The following KALRN variants were observed in gnomAD, a reference collection of about 807,000 sequenced individuals.
KALRN encodes the protein kalirin.
KALRN carries 70 observed loss-of-function variants against 353.7 expected under a neutral mutation model. That is an observed-to-expected ratio of 0.20 (90% CI 0.16 to 0.24). KALRN has a LOEUF of 0.24. Ranked by LOEUF, KALRN falls within the 10% of genes least tolerant of loss-of-function variation. KALRN has a pLI of 1.00. For synonymous variants in KALRN, 1,391 were observed against 1,434.8 expected (o/e 0.97, Z 0.69); for missense variants, 2,791 against 3,756.7 (o/e 0.74, Z 6.72).
intron 34 of KALRN, among the ~76,000 whole-genome samples, chr3:124,602,879 G>A (rs780251048): frequency 3.3e-5 from 5 of 152,130 alleles, no homozygotes; most frequent in Non-Finnish European, 5.9e-5. Context: ...CTTAGTTTGT[G>A]TGTTCAGTCC....
At chr3:124,491,295 G>T (rs771863395) in intron 30 of KALRN, 28 bp from the exon 31 acceptor site, 1 of 1,038,796 alleles carries the variant, frequency 9.6e-7, no homozygotes, top group South Asian at 1.5e-5. Context: ...CCCCTTCCCC[G>T]CCTCTCATAG....
intron 13 of KALRN, among the ~76,000 whole-genome samples, chr3:124,399,647 C>T (rs1295502823): frequency 6.6e-6 from 1 of 152,158 alleles, no homozygotes; most frequent in Non-Finnish European, 1.5e-5. Flanking sequence ...AGCCAAGCGC[C>T]ACAGGAAGGG....
intron 6 of KALRN, among the ~76,000 whole-genome samples, chr3:124,325,387 C>A (rs1182682951): frequency 6.6e-6 from 1 of 152,076 alleles, no homozygotes; most frequent in Non-Finnish European, 1.5e-5. Flanking sequence ...TTTATTTAAA[C>A]CCTGTTTGAT....
intron 34 of KALRN, among the ~76,000 whole-genome samples, chr3:124,625,784 CA>C (rs1221225433): frequency 6.6e-6 from 1 of 151,968 alleles, no homozygotes; most frequent in Non-Finnish European, 1.5e-5. Flanking sequence ...GAATATTATT[CA>C]ACAATTAACA....
chr3:124,311,064 C>CTTTTTTTT (rs71145446), intron 6 of KALRN, among the ~76,000 whole-genome samples: 1,476 of 67,494 alleles, frequency 0.022, 322 homozygotes, highest in Middle Eastern at 0.048. Flanking sequence ...GATACTACTT[C>CTTTTTTTT]TTTTTTTTTT....
At chr3:124,415,583 A>C (rs2092450815) in intron 14 of KALRN, among the ~76,000 whole-genome samples, 1 of 152,256 alleles carries the variant, frequency 6.6e-6, no homozygotes, top group Admixed American at 6.5e-5. Flanking sequence ...CCTGTACACA[A>C]GAGTACGTGG....
rs889996775 is a variant in KALRN, at chr3:124,438,758, T to C, written c.3049-130T>C. ...ACTGTCACTGCCTCCTGGATTTCTCTTAGATGTCTCAGAGGCATTAAACTT... is the reference window on the plus strand; with the variant it reads ...ACTGTCACTGCCTCCTGGATTTCTCCTAGATGTCTCAGAGGCATTAAACTT... On this transcript the variant is annotated intron_variant, in intron 17 of 59. Coordinates refer to ENST00000682506, the MANE Select transcript of KALRN (RefSeq NM_001388419.1). 1.0e-5 allele frequency: 7 copies of C among 700,864 alleles called. No homozygotes were observed. The Admixed American group carries it at 2.2e-4, about 22-fold the overall frequency. The allele number at this position is 700,864 out of a possible 1,614,324, so 43.4% of individuals were successfully genotyped here.
At chr3:124,697,540 A>G in intron 54 of KALRN, 53 bp from the exon 55 acceptor site, 2 of 1,517,370 alleles carry the variant, frequency 1.3e-6, no homozygotes, top group Non-Finnish European at 8.8e-7. Context: ...ACCTTGGTGT[A>G]AAATGCCAAG....
At chr3:124,336,275 G>A (rs1248148025) in intron 9 of KALRN, among the ~76,000 whole-genome samples, 1 of 152,142 alleles carries the variant, frequency 6.6e-6, no homozygotes, top group Non-Finnish European at 1.5e-5. Flanking sequence ...GCCGGGAGTG[G>A]AGAAGCAAGT....
chr3:124,506,098 A>G (rs1025983053), intron 33 of KALRN, among the ~76,000 whole-genome samples: 5 of 152,226 alleles, frequency 3.3e-5, no homozygotes, highest in East Asian at 3.8e-4. Flanking sequence ...AAGATCCTCT[A>G]TGGTGAAACA....
chr3:124,137,383 C>A (rs1463600041), intron 1 of KALRN, among the ~76,000 whole-genome samples: 1 of 151,872 alleles, frequency 6.6e-6, no homozygotes, highest in Non-Finnish European at 1.5e-5. Flanking sequence ...CTGGTCCTGG[C>A]AGGATGAGTG....
intron 57 of KALRN, among the ~76,000 whole-genome samples, chr3:124,710,388 A>C (rs2062833935): frequency 3.3e-5 from 5 of 152,222 alleles, no homozygotes. Context: ...AACAGAAATA[A>C]TTAAAACTGA....
chr3:124,363,600 GGAA>G (rs1032548171), intron 10 of KALRN, among the ~76,000 whole-genome samples: 3 of 152,180 alleles, frequency 2.0e-5, no homozygotes, highest in Non-Finnish European at 4.4e-5. Flanking sequence ...GATCATGTCT[GGAA>G]CACACCCAGA....
intron 32 of KALRN, among the ~76,000 whole-genome samples, chr3:124,494,630 G>A (rs561781163): frequency 2.6e-5 from 4 of 152,364 alleles, no homozygotes; most frequent in African/African-American, 9.6e-5. Flanking sequence ...ACAAATGATG[G>A]TGAGAGAGCA....
At chr3:124,117,063 C>A (rs753390747) in intron 1 of KALRN, among the ~76,000 whole-genome samples, 1 of 152,214 alleles carries the variant, frequency 6.6e-6, no homozygotes, top group Admixed American at 6.5e-5. Flanking sequence ...TGCTCACCAC[C>A]AAGTGGATCC....
rs1173599837 is a variant in KALRN at position 124,711,192 on chromosome 3, A to T, written c.8076-1743A>T. Among the ~76,000 whole-genome samples the T allele has an allele frequency of 7.2e-5, 11 of 151,978 alleles. No individual in the cohort carries two copies. The East Asian group carries it at 7.8e-4, about 11-fold the overall frequency. On this transcript the variant is annotated intron_variant, in intron 57 of 59. Transcript: ENST00000682506. ...ACTGATTAGTACATTATTTTTTTAA[A>T]AAAAATTTTTAAAGCGAAAGGATCT...
intron 13 of KALRN, among the ~76,000 whole-genome samples, chr3:124,406,457 C>T (rs546865931): frequency 4.6e-5 from 7 of 152,308 alleles, no homozygotes; most frequent in Admixed American, 4.6e-4. Context: ...GTGGTTTCTT[C>T]AGCTGCAATA....
chr3:124,583,880 C>T (rs1449812285), intron 34 of KALRN, among the ~76,000 whole-genome samples: 1 of 152,152 alleles, frequency 6.6e-6, no homozygotes, highest in Non-Finnish European at 1.5e-5. Flanking sequence ...CTACCATCGG[C>T]TGTATGTGGT....
At chr3:124,706,461 A>C (rs1579048449) in intron 57 of KALRN, among the ~76,000 whole-genome samples, 1 of 152,236 alleles carries the variant, frequency 6.6e-6, no homozygotes, top group South Asian at 2.1e-4. Context: ...ACTTAAAGAT[A>C]CTGATTGTGG....
Sources: gnomAD v4.1 joint callset for allele counts (sites outside exome capture counted in the v4.1 genomes callset) on GRCh38, gnomAD v4.1.1 for gene constraint, MANE v1.5 for transcripts, NCBI Gene and HGNC (gene_info 2026-07-23, HGNC 2026-07-21) for gene names.